SLC48A1: variants seen among roughly 807,000 people sequenced by gnomAD.
SLC48A1 encodes the protein heme transporter HRG1.
In SLC48A1, 6 loss-of-function variants were observed where a neutral mutation model predicts 14.8. That is an observed-to-expected ratio of 0.41 (90% CI 0.22 to 0.80). The LOEUF is 0.80. SLC48A1 is among the 30% of genes least tolerant of loss of function. SLC48A1 has a pLI of 0.34. For synonymous variants in SLC48A1, 89 were observed against 90.0 expected, an observed-to-expected ratio of 0.99 and a Z score of 0.06; for missense variants, 165 against 204.8, an observed-to-expected ratio of 0.81 and a Z score of 1.19.
chr12:47,773,418 C>A lies in SLC48A1; in HGVS notation c.114C>A (p.Thr38=). ...VWTVVYRQPG[T]AAMGGLAGVL... is the part of the protein sequence containing the mutation. ...CGGTGGTCTACCGACAGCCGGGGAC[C>A]GCGGCCATGGGAGGGCTCGCAGGTA... The change falls in exon 1 of 3, where the codon ACC becomes ACA. Residue 38 remains threonine (T), a synonymous_variant. Coordinates refer to ENST00000442218, the MANE Select transcript of SLC48A1 (RefSeq NM_017842.3). 6.9e-7 allele frequency: 1 copy of A among 1,439,122 alleles called. No individual in the cohort carries two copies. Among genetic ancestry groups the A allele is most frequent in the Non-Finnish European group, 9.2e-7 (1 of 1,089,516 alleles). The allele number at this position is 1,439,122 out of a possible 1,614,324, so 89.1% of individuals were successfully genotyped here. A position where few individuals can be genotyped will look rare whatever the true frequency, so the allele number is the denominator to read the frequency against.
In SLC48A1 at chr12:47,779,120, G is replaced by C; in HGVS notation, c.229G>C (p.Val77Leu). 1.9e-6 allele frequency: 3 copies of C among 1,551,890 alleles called. No homozygotes were observed. Among genetic ancestry groups the C allele is most frequent in the Non-Finnish European group, 2.6e-6 (3 of 1,147,054 alleles). Reference sequence around the variant, plus strand: ...CAAGGGGCTGCGCGGCTTCTTCTTCGTGGGCGTCCTCTTCTCGGCCGTCTC... The same window carrying C: ...CAAGGGGCTGCGCGGCTTCTTCTTCCTGGGCGTCCTCTTCTCGGCCGTCTC... ...WLKGLRGFFFVGVLFSAVSIA... is the reference protein window; with the variant it reads ...WLKGLRGFFFLGVLFSAVSIA... The change falls in exon 2 of 3, where the codon GTG becomes CTG. Residue 77 changes from valine (V) to leucine (L), a missense_variant. Transcript: ENST00000442218.
Position 47,773,488 on chromosome 12 carries a change from C to T in SLC48A1, c.136+48C>T, listed in dbSNP as rs1195552634. The T allele has an allele frequency of 3.1e-6, 4 of 1,285,448 alleles. No individual in the cohort carries two copies. The East Asian group carries it at 9.9e-5, about 32-fold the overall frequency. 79.6% of individuals were successfully genotyped at this position (1,285,448 alleles called of 1,614,324 possible). A position where few individuals can be genotyped will look rare whatever the true frequency, so the allele number is the denominator to read the frequency against. ...GCGGGGCGGGTGCGCGGCTGCGGGG[C>T]GGGCGCCGTCAGCTGCTCCAGGACG... is the stretch of plus-strand genomic sequence containing the variant. On this transcript the variant is annotated intron_variant, in intron 1 of 2. Transcript: ENST00000442218.
At chr12:47,779,809 G>C (rs1035828400) in intron 2 of SLC48A1, among the ~76,000 whole-genome samples, 1 of 152,228 alleles carries the variant, frequency 6.6e-6, no homozygotes, top group Non-Finnish European at 1.5e-5. Flanking sequence ...GGTCAGCGGC[G>C]GGCATTAGAA....
chr12:47,775,486 G>A (rs539228947), intron 1 of SLC48A1, among the ~76,000 whole-genome samples: 3 of 152,330 alleles, frequency 2.0e-5, no homozygotes, highest in African/African-American at 4.8e-5. Context: ...CTGCTTGGTA[G>A]TGGTGGTGGT....
intron 1 of SLC48A1, among the ~76,000 whole-genome samples, chr12:47,776,601 A>G (rs1006817209): frequency 3.3e-5 from 5 of 152,104 alleles, no homozygotes; most frequent in African/African-American, 1.2e-4. Context: ...ATGTGTGTTT[A>G]TCTGGAGGGG....
chr12:47,773,275 C>T lies in SLC48A1; in HGVS notation c.-30C>T, dbSNP rs1201050734. 7.4e-7 allele frequency: 1 copy of T among 1,349,542 alleles called. No homozygotes were observed. The highest frequency in any genetic ancestry group is 2.8e-4 in the Middle Eastern group (1 of 3,604). 83.6% of individuals were successfully genotyped at this position (1,349,542 alleles called of 1,614,324 possible). On this transcript the variant is annotated 5_prime_UTR_variant, in exon 1 of 3. Transcript: ENST00000442218. ...TGCACCTGTGACTCTCGGCCGCGCT[C>T]GCCCTCGGCCCGCCCGGCGCCGCAG...
rs1026046105 is a variant in SLC48A1, at chr12:47,777,822, A to G, written c.137-1206A>G. ...AATAGCATAGATTCCCATAGATTCA[A>G]AGCACTTCCCCACCCCCACCGCCCC... On this transcript the variant is annotated intron_variant, in intron 1 of 2. Coordinates refer to ENST00000442218, the MANE Select transcript of SLC48A1 (RefSeq NM_017842.3). This position sits in a 1 kb window ranked among gnomAD's most constrained non-coding sequence, Gnocchi z 4.5. Among the ~76,000 whole-genome samples, 3 of 152,180 alleles carry G rather than the reference A, an allele frequency of 2.0e-5. No individual in the cohort carries two copies. Among genetic ancestry groups the G allele is most frequent in the African/African-American group, 4.8e-5 (2 of 41,440 alleles).
At chr12:47,762,554 T>G (rs1430101477) in intron 2 of SLC48A1, among the ~76,000 whole-genome samples, 1 of 152,260 alleles carries the variant, frequency 6.6e-6, no homozygotes, top group Non-Finnish European at 1.5e-5. Flanking sequence ...CTGCAACTGT[T>G]CTAGCCCAAT....
upstream of SLC48A1, chr12:47,758,061 C>G (rs921869430): frequency 5.1e-6 from 8 of 1,568,240 alleles, no homozygotes; most frequent in Non-Finnish European, 6.9e-6. Context: ...GCCAGCAGCT[C>G]TCACCTGGCC....
rs1942786556 is a variant in SLC48A1, at chr12:47,777,923, A to C, written c.137-1105A>C. Among the ~76,000 whole-genome samples, 1 of 151,648 alleles carries C rather than the reference A, an allele frequency of 6.6e-6. No individual in the cohort carries two copies. Among genetic ancestry groups the C allele is most frequent in the African/African-American group, 2.4e-5 (1 of 41,190 alleles). On this transcript the variant is annotated intron_variant, in intron 1 of 2. Coordinates refer to ENST00000442218, the MANE Select transcript of SLC48A1 (RefSeq NM_017842.3). This position sits in a 1 kb window ranked among gnomAD's most constrained non-coding sequence, Gnocchi z 4.5. Reference sequence around the variant, plus strand: ...CCAGATGCTTATCCTTCCTGTGCACATTTGGTAACTACTCTGAGTGGCATG... The same window carrying C: ...CCAGATGCTTATCCTTCCTGTGCACCTTTGGTAACTACTCTGAGTGGCATG...
At chr12:47,757,419 C>T (rs1474595663), upstream of SLC48A1, among the ~76,000 whole-genome samples, 2 of 152,114 alleles carry the variant, frequency 1.3e-5, no homozygotes, top group South Asian at 4.1e-4. Flanking sequence ...CACCCTAAGA[C>T]CAAAACGCAG....
At chr12:47,764,527 C>A (rs1000875369) in intron 2 of SLC48A1, among the ~76,000 whole-genome samples, 4 of 152,186 alleles carry the variant, frequency 2.6e-5, no homozygotes, top group Non-Finnish European at 5.9e-5. Context: ...GGGCCCTGTT[C>A]CCTGCTTAGG....
upstream of SLC48A1, chr12:47,757,988 C>T (rs200995306): frequency 1.5e-5 from 23 of 1,571,236 alleles, no homozygotes; most frequent in Non-Finnish European, 2.0e-5. Flanking sequence ...GGCACCACGT[C>T]AGGGAGGGCT....
intron 1 of SLC48A1, 110 bp downstream of exon 1, chr12:47,773,550 A>C (rs1272013172): frequency 1.6e-6 from 2 of 1,226,280 alleles, no homozygotes; most frequent in Non-Finnish European, 2.0e-6. Flanking sequence ...GAGCGGGTGG[A>C]GTGTTTACTC....
intron 2 of SLC48A1, among the ~76,000 whole-genome samples, chr12:47,764,389 G>T (rs1942464117): frequency 6.6e-6 from 1 of 152,184 alleles, no homozygotes; most frequent in South Asian, 2.1e-4. Flanking sequence ...TGTCTTAAGT[G>T]CTCCCATCTT....
At chr12:47,774,850 C>T (rs1271809005) in intron 1 of SLC48A1, among the ~76,000 whole-genome samples, 1 of 152,182 alleles carries the variant, frequency 6.6e-6, no homozygotes, top group Admixed American at 6.5e-5. Context: ...AGTTCCTTTC[C>T]CCACTGCACC....
upstream of SLC48A1, chr12:47,758,227 G>A (rs1942214791): frequency 7.0e-7 from 1 of 1,435,830 alleles, no homozygotes; most frequent in African/African-American, 1.4e-5. Flanking sequence ...CTGGGGGGAG[G>A]AACAGGAAGA....
chr12:47,775,050 G>A (rs1403360007), intron 1 of SLC48A1, among the ~76,000 whole-genome samples: 1 of 152,156 alleles, frequency 6.6e-6, no homozygotes, highest in African/African-American at 2.4e-5. Context: ...AGTCTGGCCT[G>A]GTACAAGTGG....
At chr12:47,775,467 G>A (rs1390574097) in intron 1 of SLC48A1, among the ~76,000 whole-genome samples, 2 of 152,218 alleles carry the variant, frequency 1.3e-5, no homozygotes, top group South Asian at 2.1e-4. Flanking sequence ...GGCTGTGGAA[G>A]AGCCAAAACT....
Sources: allele counts gnomAD v4.1 joint callset (sites outside exome capture counted in the v4.1 genomes callset), GRCh38; gene constraint gnomAD v4.1.1; non-coding constraint Gnocchi (gnomAD v3.1); transcripts MANE v1.5; gene names NCBI Gene and HGNC (gene_info 2026-07-23, HGNC 2026-07-21).